ANKS1B: variants seen among roughly 807,000 people sequenced by gnomAD.
ANKS1B encodes ankyrin repeat and sterile alpha motif domain containing 1B.
Under a neutral mutation model 148.3 loss-of-function variants are expected in ANKS1B, and 36 were observed. The observed-to-expected ratio is 0.24, with a 90% CI of 0.19 to 0.32. ANKS1B has a LOEUF of 0.32. Among genes scored for constraint, ANKS1B ranks in the 10% least tolerant of loss-of-function variants. The pLI, the probability that ANKS1B is intolerant of heterozygous loss-of-function variation, is 1.00. For missense variants in ANKS1B, 1,157 were observed against 1,542.6 expected (o/e 0.75, Z 4.19); for synonymous variants, 542 against 560.8 (o/e 0.97, Z 0.47).
chr12:99,651,073 T>C (rs2098416094), intron 9 of ANKS1B, among the ~76,000 whole-genome samples: 1 of 152,140 alleles, frequency 6.6e-6, no homozygotes, highest in African/African-American at 2.4e-5. Flanking sequence ...ATCAAACAAA[T>C]CTGGGGATAT....
At chr12:98,828,751 T>C (rs1465898769) in intron 19 of ANKS1B, among the ~76,000 whole-genome samples, 2 of 152,234 alleles carry the variant, frequency 1.3e-5, no homozygotes, top group Non-Finnish European at 2.9e-5. Flanking sequence ...AGCATTTCTG[T>C]ATGAATGTAT....
intron 9 of ANKS1B, among the ~76,000 whole-genome samples, chr12:99,618,012 C>T (rs2153365908): frequency 6.6e-6 from 1 of 152,250 alleles, no homozygotes; most frequent in South Asian, 2.1e-4. Flanking sequence ...CAATTTAGCT[C>T]CTAACCACCT....
At chr12:99,061,784 ATTGTATTATCTC>A (rs2042529740) in intron 16 of ANKS1B, among the ~76,000 whole-genome samples, 1 of 152,134 alleles carries the variant, frequency 6.6e-6, no homozygotes, top group Non-Finnish European at 1.5e-5. Flanking sequence ...TTGACATTAC[ATTGTATTATCTC>A]TTGTTTTGTG....
chr12:99,571,267 A>G (rs553885604), intron 9 of ANKS1B, among the ~76,000 whole-genome samples: 1 of 152,234 alleles, frequency 6.6e-6, no homozygotes, highest in South Asian at 2.1e-4. Context: ...AGAAGATCCT[A>G]TAGACTCAAC....
chr12:99,676,967 C>A (rs943706823), intron 8 of ANKS1B, among the ~76,000 whole-genome samples: 2 of 152,144 alleles, frequency 1.3e-5, no homozygotes, highest in African/African-American at 4.8e-5. Flanking sequence ...GTAGAACACA[C>A]AGGAAGAGTT....
At position 99,453,028 on chromosome 12, in the gene ANKS1B, C is replaced by A. The variant is rs2668182; in HGVS notation, c.1439-9219G>T. On this transcript the variant is annotated intron_variant, in intron 10 of 26. Transcript: ENST00000683438. ...AGATGAGGCCGGGCACAGTGGCTCA[C>A]GCCTGTAATCCTAGCACTTTGGGAG... Among the ~76,000 whole-genome samples the A allele has an allele frequency of 3.4e-4, 51 of 152,104 alleles. 1 individual carries two copies. Among genetic ancestry groups the A allele is most frequent in the Non-Finnish European group, 6.3e-4 (43 of 68,010 alleles).
chr12:98,744,687 T>A lies in ANKS1B; in HGVS notation c.*1052A>T. 6.3e-6 allele frequency: 6 copies of A among 958,814 alleles called. No individual in the cohort carries two copies. Among genetic ancestry groups the A allele is most frequent in the Non-Finnish European group, 7.4e-6 (6 of 805,792 alleles). 59.4% of individuals were successfully genotyped at this position (958,814 alleles called of 1,614,324 possible). A position where few individuals can be genotyped will look rare whatever the true frequency, so the allele number is the denominator to read the frequency against. On this transcript the variant is annotated 3_prime_UTR_variant, in exon 27 of 27. Transcript: ENST00000683438. ...TTACTTTGGAATTTCTTCTTTTTTT[T>A]TTTTGTATTTATTTTTTCTAGAAAA...
chr12:99,489,417 A>C (rs552395727), intron 10 of ANKS1B, among the ~76,000 whole-genome samples: 1 of 152,290 alleles, frequency 6.6e-6, no homozygotes, highest in South Asian at 2.1e-4. Context: ...TATTGAACAA[A>C]ATTTAGTAAA....
chr12:99,426,054 A>C (rs1007365137), intron 11 of ANKS1B, among the ~76,000 whole-genome samples: 1 of 152,286 alleles, frequency 6.6e-6, no homozygotes, highest in Admixed American at 6.5e-5. Flanking sequence ...TTAATAGAGA[A>C]ATGACTGCTG....
intron 12 of ANKS1B, among the ~76,000 whole-genome samples, chr12:99,287,323 T>C (rs1328682410): frequency 2.0e-5 from 3 of 152,160 alleles, no homozygotes; most frequent in African/African-American, 7.2e-5. Flanking sequence ...TCTACAAGTC[T>C]GTAAGAGTCC....
chr12:99,227,692 A>C (rs1477992740), intron 14 of ANKS1B, among the ~76,000 whole-genome samples: 1 of 152,202 alleles, frequency 6.6e-6, no homozygotes, highest in African/African-American at 2.4e-5. Flanking sequence ...TAAAAAGCTT[A>C]GTGGAGCCAA....
intron 9 of ANKS1B, among the ~76,000 whole-genome samples, chr12:99,604,031 A>T (rs2097828849): frequency 6.6e-6 from 1 of 152,100 alleles, no homozygotes. Context: ...AAGACACAAC[A>T]CTTTACAATT....
At chr12:99,719,427 C>G (rs2153551739) in intron 8 of ANKS1B, among the ~76,000 whole-genome samples, 1 of 152,262 alleles carries the variant, frequency 6.6e-6, no homozygotes, top group East Asian at 1.9e-4. Flanking sequence ...GACATTCACT[C>G]CATTTTCCCA....
intron 11 of ANKS1B, among the ~76,000 whole-genome samples, chr12:99,432,403 C>T (rs529813016): frequency 4.9e-4 from 74 of 152,138 alleles, no homozygotes; most frequent in African/African-American, 1.6e-3. Flanking sequence ...TTATTGACAG[C>T]CAGTTGTGAA....
chr12:99,208,268 T>A (rs2082919074), intron 14 of ANKS1B, among the ~76,000 whole-genome samples: 1 of 152,110 alleles, frequency 6.6e-6, no homozygotes, highest in Non-Finnish European at 1.5e-5. Flanking sequence ...TGTATTTGCC[T>A]TTAGAGTCTT....
In ANKS1B at chr12:99,641,210, T is replaced by C. The variant is rs550727486; in HGVS notation, c.1272+13857A>G. Among the ~76,000 whole-genome samples, 5 of 152,336 alleles carry C rather than the reference T, an allele frequency of 3.3e-5. No homozygotes were observed. The South Asian group carries it at 1.0e-3, about 32-fold the overall frequency. ...TTTTTAAAAATGTGCGTTTGTATTG[T>C]AAATAATTTATAGAGAATCTTGCAT... is the stretch of plus-strand genomic sequence containing the variant. On this transcript the variant is annotated intron_variant, in intron 9 of 26. Coordinates refer to ENST00000683438, the MANE Select transcript of ANKS1B (RefSeq NM_001352186.2).
intron 17 of ANKS1B, among the ~76,000 whole-genome samples, chr12:98,981,605 G>T (rs2099910898): frequency 6.6e-6 from 1 of 152,172 alleles, no homozygotes; most frequent in East Asian, 1.9e-4. Context: ...CAAAGTGCTG[G>T]GATTACAGGC....
chr12:99,581,910 A>G (rs1325313669), intron 9 of ANKS1B, among the ~76,000 whole-genome samples: 1 of 151,034 alleles, frequency 6.6e-6, no homozygotes, highest in African/African-American at 2.4e-5. Context: ...AAAAAAAAAA[A>G]AAAAAGAAAA....
At chr12:99,263,321 G>A (rs555894561) in intron 12 of ANKS1B, among the ~76,000 whole-genome samples, 2 of 151,894 alleles carry the variant, frequency 1.3e-5, no homozygotes, top group Non-Finnish European at 2.9e-5. Flanking sequence ...AAAATAGTCT[G>A]GGTTGTAAAG....
Sources: allele counts gnomAD v4.1 joint callset (sites outside exome capture counted in the v4.1 genomes callset), GRCh38; gene constraint gnomAD v4.1.1; transcripts MANE v1.5; gene names NCBI Gene and HGNC (gene_info 2026-07-23, HGNC 2026-07-21).